SIGLEC15: variants seen among roughly 807,000 people sequenced by gnomAD.
The protein encoded by SIGLEC15 is sialic acid binding Ig like lectin 15, also known as sialic acid-binding Ig-like lectin 15.
In SIGLEC15, 31 loss-of-function variants were observed where a neutral mutation model predicts 26.2. The observed-to-expected ratio is 1.18, with a 90% CI of 0.89 to 1.60. The LOEUF is 1.60. Ranked by LOEUF, SIGLEC15 falls within the 40% of genes most tolerant of loss-of-function variation. The probability of loss-of-function intolerance (pLI) is 0.00; values close to 1 mark genes in which losing one functional copy is unlikely to be tolerated. For missense variants in SIGLEC15, 501 were observed against 488.4 expected, an observed-to-expected ratio of 1.03 and a Z score of -0.24; for synonymous variants, 207 against 221.9, an observed-to-expected ratio of 0.93 and a Z score of 0.60.
chr18:45,825,757 G>A lies in SIGLEC15; in HGVS notation c.29G>A (p.Cys10Tyr). The A allele has an allele frequency of 6.2e-7, 1 of 1,614,248 alleles. No homozygotes were observed. The highest frequency in any genetic ancestry group is 1.1e-5 in the South Asian group (1 of 91,084). Residue 10 changes from cysteine to tyrosine, a missense_variant, in exon 1 of 6, where the codon TGC (cysteine) becomes TAC (tyrosine). Cys to Tyr is a radical substitution (Grantham distance 194). Coordinates refer to ENST00000389474, the MANE Select transcript of SIGLEC15 (RefSeq NM_213602.3). MEKSIWLLA[C>Y]LAWVLPTGSF... Reference sequence around the variant, plus strand: ...GAAAAGTCCATCTGGCTGCTGGCCTGCTTGGCGTGGGTTCTCCCGACAGGT... The same window carrying A: ...GAAAAGTCCATCTGGCTGCTGGCCTACTTGGCGTGGGTTCTCCCGACAGGT...
chr18:45,827,859 T>C (rs2145022165), intron 1 of SIGLEC15, among the ~76,000 whole-genome samples: 1 of 152,318 alleles, frequency 6.6e-6, no homozygotes, highest in African/African-American at 2.4e-5. Flanking sequence ...ACAAAGGATT[T>C]AGAGGAAGCA....
chr18:45,842,087 A>G lies in SIGLEC15; in HGVS notation c.906-19A>G. 1.2e-6 allele frequency: 2 copies of G among 1,613,588 alleles called. No homozygotes were observed. The highest frequency in any genetic ancestry group is 1.7e-6 in the Non-Finnish European group (2 of 1,179,518). On this transcript the variant is annotated intron_variant, in intron 5 of 5. Coordinates refer to ENST00000389474, the MANE Select transcript of SIGLEC15 (RefSeq NM_213602.3). The stretch of plus-strand genomic sequence containing the variant: ...CTCCCACCTGTTTGGATGATCATTC[A>G]ACTTTCTCCTGTCCACAGGTCCCAG...
At chr18:45,835,088 A>AT (rs368546212) in intron 1 of SIGLEC15, among the ~76,000 whole-genome samples, 1 of 152,144 alleles carries the variant, frequency 6.6e-6, no homozygotes, top group African/African-American at 2.4e-5. Flanking sequence ...GAAAAAAAAA[A>AT]GGAGATTAGG....
chr18:45,829,098 A>G (rs967123314), intron 1 of SIGLEC15: 23 of 985,756 alleles, frequency 2.3e-5, no homozygotes, highest in Non-Finnish European at 2.3e-5. Context: ...GACAGGCTAC[A>G]TCGGGACTCT....
At position 45,825,684 on chromosome 18, in the gene SIGLEC15, G is replaced by A. The variant is rs375991022; in HGVS notation, c.-45G>A. The stretch of plus-strand genomic sequence containing the variant: ...GCCTGGGAGGGCCCTCACTGGGGAG[G>A]TGGCCGAGAGCGGGTCTGGCCTGGG... On this transcript the variant is annotated 5_prime_UTR_variant, in exon 1 of 6. The change creates a new upstream start codon in the 5' untranslated region. Transcript: ENST00000389474. 30 of 1,605,784 alleles carry A rather than the reference G, an allele frequency of 1.9e-5. No individual in the cohort carries two copies. The highest frequency in any genetic ancestry group is 2.6e-5 in the Non-Finnish European group (30 of 1,173,158).
intron 2 of SIGLEC15, 92 bp from the exon 3 acceptor site, chr18:45,837,421 G>T: frequency 7.2e-7 from 1 of 1,387,026 alleles, no homozygotes; most frequent in South Asian, 1.6e-5. Flanking sequence ...GGGGTTGGGG[G>T]AGCGTTTCCT....
intron 4 of SIGLEC15, among the ~76,000 whole-genome samples, chr18:45,839,559 G>A (rs1275836099): frequency 2.0e-5 from 3 of 152,178 alleles, no homozygotes; most frequent in Non-Finnish European, 4.4e-5. Context: ...ATTGCAATGT[G>A]CTATGAGAAG....
At position 45,838,836 on chromosome 18, in the gene SIGLEC15, C is replaced by A; in HGVS notation, c.615C>A (p.Gly205=). Residue 205 remains glycine, a synonymous_variant, in exon 4 of 6, where the codon GGC becomes GGA. Transcript: ENST00000389474. ...TCGCCTGGTCCGGCCCGGCCCTGGGCAACAGCTTGGCAGCCGTGCGGAGCC... is the reference window on the plus strand; with the variant it reads ...TCGCCTGGTCCGGCCCGGCCCTGGGAAACAGCTTGGCAGCCGTGCGGAGCC... The part of the protein sequence containing the change: ...PALAWSGPAL[G]NSLAAVRSPR... The A allele has an allele frequency of 3.2e-6, 5 of 1,568,924 alleles. No individual in the cohort carries two copies. Among genetic ancestry groups the A allele is most frequent in the East Asian group, 2.3e-5 (1 of 42,934 alleles).
chr18:45,827,881 G>C (rs1483499182), intron 1 of SIGLEC15, among the ~76,000 whole-genome samples: 3 of 152,226 alleles, frequency 2.0e-5, no homozygotes, highest in Non-Finnish European at 1.5e-5. Flanking sequence ...GGGCTGTGGA[G>C]TCACATGTTC....
rs758128508 is a variant in SIGLEC15 at position 45,837,136 on chromosome 18, T to C, written c.112+48T>C. On this transcript the variant is annotated intron_variant, in intron 2 of 5. Transcript: ENST00000389474. The stretch of plus-strand genomic sequence containing the variant: ...CCATCTCGGGGATCTTGGGAGTCTG[T>C]TTTAACCACGAGATCCCAGGGTTTT... The C allele has an allele frequency of 5.0e-6, 8 of 1,606,996 alleles. No homozygotes were observed. The Admixed American group carries it at 6.7e-5, about 14-fold the overall frequency.
At chr18:45,839,229 C>G in intron 4 of SIGLEC15, 134 bp downstream of exon 4, 1 of 1,225,682 alleles carries the variant, frequency 8.2e-7, no homozygotes, top group Non-Finnish European at 1.0e-6. Context: ...TGGCGCTTTC[C>G]TCTCTTTGCA....
At chr18:45,835,113 G>A (rs1229529001) in intron 1 of SIGLEC15, among the ~76,000 whole-genome samples, 1 of 152,120 alleles carries the variant, frequency 6.6e-6, no homozygotes, top group Non-Finnish European at 1.5e-5. Flanking sequence ...AAAGCAGGTT[G>A]TATGAAAAAA....
rs1210513145 is a variant in SIGLEC15 at position 45,825,913 on chromosome 18, C to A, written c.52+133C>A. On this transcript the variant is annotated intron_variant, in intron 1 of 5. Transcript: ENST00000389474. ...CAGGCCTGTGGAGGAGGAAGAGCTG[C>A]GCTTGGGGCCTGTGGTGCCAGAAGC... 4.8e-6 allele frequency: 5 copies of A among 1,032,028 alleles called. No homozygotes were observed. In the African/African-American group the frequency reaches 6.3e-5, roughly 13 times the overall value. 63.9% of individuals were successfully genotyped at this position (1,032,028 alleles called of 1,614,324 possible).
intron 1 of SIGLEC15, among the ~76,000 whole-genome samples, chr18:45,828,695 G>A (rs1247630022): frequency 6.6e-6 from 1 of 152,220 alleles, no homozygotes; most frequent in African/African-American, 2.4e-5. Flanking sequence ...TAAATGGGAA[G>A]CAGAGGCTTC....
At chr18:45,838,039 A>G in intron 3 of SIGLEC15, 143 bp downstream of exon 3, 1 of 1,095,812 alleles carries the variant, frequency 9.1e-7, no homozygotes, top group African/African-American at 1.7e-5. Context: ...CAGGGATCTC[A>G]CACCTGGGGG....
In SIGLEC15 at chr18:45,842,097, T is replaced by A; in HGVS notation, c.906-9T>A. On this transcript the variant is annotated splice_polypyrimidine_tract_variant and intron_variant, in intron 5 of 5. Transcript: ENST00000389474. ...TTTGGATGATCATTCAACTTTCTCC[T>A]GTCCACAGGTCCCAGGCCCAGGAGT... 1 of 1,614,040 alleles carries A rather than the reference T, an allele frequency of 6.2e-7. No individual in the cohort carries two copies. Among genetic ancestry groups the A allele is most frequent in the Non-Finnish European group, 8.5e-7 (1 of 1,179,936 alleles).
chr18:45,833,017 C>T (rs554701232), intron 1 of SIGLEC15, among the ~76,000 whole-genome samples: 1 of 152,154 alleles, frequency 6.6e-6, no homozygotes, highest in Non-Finnish European at 1.5e-5. Flanking sequence ...TGGTGAAAGA[C>T]CCTCTGTGTT....
At chr18:45,836,880 G>T in intron 1 of SIGLEC15, 149 bp from the exon 2 acceptor site, 1 of 562,636 alleles carries the variant, frequency 1.8e-6, no homozygotes. Flanking sequence ...AAAGTTCCCA[G>T]CCTCTAGTGC....
rs547724808 is a variant in SIGLEC15 at position 45,837,171 on chromosome 18, C to T, written c.112+83C>T. The T allele has an allele frequency of 2.9e-3, 4,578 of 1,573,942 alleles. 15 individuals are homozygous for T. Among genetic ancestry groups the T allele is most frequent in the Non-Finnish European group, 3.5e-3 (4,024 of 1,159,712 alleles). On this transcript the variant is annotated intron_variant, in intron 2 of 5. Coordinates refer to ENST00000389474, the MANE Select transcript of SIGLEC15 (RefSeq NM_213602.3). ...GAGATCCCAGGGTTTTTCCACAGGGCAGGTTTTGATGGGGAAAAACTAAGG... is the reference window on the plus strand; with the variant it reads ...GAGATCCCAGGGTTTTTCCACAGGGTAGGTTTTGATGGGGAAAAACTAAGG...
Sources: allele counts gnomAD v4.1 joint callset (sites outside exome capture counted in the v4.1 genomes callset), GRCh38; gene constraint gnomAD v4.1.1; transcripts MANE v1.5; gene names NCBI Gene and HGNC (gene_info 2026-07-23, HGNC 2026-07-21).